CERS6: variants seen among roughly 807,000 people sequenced by gnomAD.
CERS6 encodes LAG1 homolog, ceramide synthase 6.
A neutral mutation model predicts 56.8 loss-of-function variants in CERS6; 26 were observed. That is an observed-to-expected ratio of 0.46 (90% confidence interval 0.34 to 0.63). The LOEUF (loss-of-function observed/expected upper bound fraction) is 0.63. Among genes scored for constraint, CERS6 ranks in the 30% least tolerant of loss-of-function variants. The pLI is 0.01. For missense variants in CERS6, 415 were observed against 467.5 expected (o/e 0.89, Z 1.04); for synonymous variants, 164 against 173.3 (o/e 0.95, Z 0.42).
chr2:168,561,150 A>C (rs1381926002), intron 2 of CERS6, 42 bp from the exon 3 acceptor site: 2 of 1,608,864 alleles, frequency 1.2e-6, no homozygotes, highest in East Asian at 2.2e-5. Context: ...AGTGAAAATG[A>C]AAATGGATTG....
intron 6 of CERS6, among the ~76,000 whole-genome samples, chr2:168,705,571 G>T (rs956884420): frequency 1.3e-5 from 2 of 152,110 alleles, no homozygotes; most frequent in Non-Finnish European, 2.9e-5. Flanking sequence ...AACCCCTCCT[G>T]ACAATTTACA....
At chr2:168,749,415 G>A (rs548234516) in intron 8 of CERS6, among the ~76,000 whole-genome samples, 1 of 152,298 alleles carries the variant, frequency 6.6e-6, no homozygotes, top group East Asian at 1.9e-4. Flanking sequence ...CAACAGGTAT[G>A]CCCTCCTTTT....
At chr2:168,559,778 G>A (rs1695755395) in intron 2 of CERS6, among the ~76,000 whole-genome samples, 1 of 53,296 alleles carries the variant, frequency 1.9e-5, no homozygotes, top group South Asian at 8.0e-4. Flanking sequence ...CTTGAAGTTT[G>A]GTCATTGTGC....
chr2:168,645,114 AAAATATATATAT>A (rs1685150309), intron 4 of CERS6, among the ~76,000 whole-genome samples: 1 of 34,354 alleles, frequency 2.9e-5, no homozygotes, highest in Non-Finnish European at 5.6e-5. Context: ...AAAAAAAAAA[AAAATATATATAT>A]ATATATATAT....
At chr2:168,522,110 G>T (rs757734432) in intron 1 of CERS6, among the ~76,000 whole-genome samples, 1 of 152,074 alleles carries the variant, frequency 6.6e-6, no homozygotes, top group Non-Finnish European at 1.5e-5. Flanking sequence ...TTGATTCCTG[G>T]AAAATTTTAC....
At chr2:168,562,549 G>T (rs928475412) in intron 3 of CERS6, among the ~76,000 whole-genome samples, 1 of 152,182 alleles carries the variant, frequency 6.6e-6, no homozygotes, top group Non-Finnish European at 1.5e-5. Flanking sequence ...TTCAAGGGAA[G>T]GTACTATGAC....
In CERS6 at chr2:168,472,684, TA is replaced by T. The variant is rs573752253; in HGVS notation, c.170+16067del. The stretch of plus-strand genomic sequence containing the variant: ...TTTCTTTTCCACCTTATTTGATTAA[TA>T]TACTGTTTTATAAGGATAGGCGCTA... On this transcript the variant is annotated intron_variant, in intron 1 of 9. Coordinates refer to ENST00000305747, the MANE Select transcript of CERS6 (RefSeq NM_203463.3). 2.0e-5 allele frequency among the ~76,000 whole-genome samples: 3 copies of T among 152,218 alleles called. No homozygotes were observed. The South Asian group carries it at 6.2e-4, about 32-fold the overall frequency.
chr2:168,689,863 T>C (rs1304952410), intron 4 of CERS6, among the ~76,000 whole-genome samples: 1 of 152,058 alleles, frequency 6.6e-6, no homozygotes, highest in Non-Finnish European at 1.5e-5. Context: ...TACCTTGAGA[T>C]TGGGTTTAGT....
chr2:168,685,458 A>G lies in CERS6; in HGVS notation c.466-5576A>G, dbSNP rs903075163. Among the ~76,000 whole-genome samples the G allele has an allele frequency of 2.0e-5, 3 of 152,140 alleles. No individual in the cohort carries two copies. The South Asian group carries it at 6.2e-4, about 32-fold the overall frequency. Reference sequence around the variant, plus strand: ...CTCTGGTCCTTGCTTCAAAATCGCTATCTCTTTAGGCTTTCACTAACATGA... The same window carrying G: ...CTCTGGTCCTTGCTTCAAAATCGCTGTCTCTTTAGGCTTTCACTAACATGA... On this transcript the variant is annotated intron_variant, in intron 4 of 9. Transcript: ENST00000305747.
At chr2:168,564,911 T>C (rs1347572958) in intron 3 of CERS6, among the ~76,000 whole-genome samples, 1 of 152,248 alleles carries the variant, frequency 6.6e-6, no homozygotes, top group Non-Finnish European at 1.5e-5. Context: ...TCTTGTTCTT[T>C]CATTTCTCAA....
chr2:168,553,087 T>C (rs1382807886), intron 2 of CERS6, among the ~76,000 whole-genome samples: 3 of 151,010 alleles, frequency 2.0e-5, no homozygotes, highest in African/African-American at 7.3e-5. Context: ...AAGTACCAAA[T>C]CCATCACAGA....
intron 6 of CERS6, among the ~76,000 whole-genome samples, chr2:168,704,329 G>A (rs1574175441): frequency 1.3e-5 from 2 of 151,922 alleles, no homozygotes; most frequent in Admixed American, 1.3e-4. Flanking sequence ...ACATAAATTC[G>A]GGTCCTCAGG....
intron 1 of CERS6, among the ~76,000 whole-genome samples, chr2:168,480,999 G>T (rs934382399): frequency 1.3e-4 from 20 of 152,302 alleles, no homozygotes; most frequent in African/African-American, 4.8e-4. Context: ...CTGGTGCTAT[G>T]TAGAGAAAGC....
At chr2:168,649,481 T>A (rs1442257998) in intron 4 of CERS6, among the ~76,000 whole-genome samples, 3 of 152,212 alleles carry the variant, frequency 2.0e-5, no homozygotes, top group Non-Finnish European at 4.4e-5. Flanking sequence ...GAATGATTTT[T>A]AAAATATTTT....
At chr2:168,513,472 T>G (rs1475539943) in intron 1 of CERS6, among the ~76,000 whole-genome samples, 3 of 152,210 alleles carry the variant, frequency 2.0e-5, no homozygotes, top group Non-Finnish European at 4.4e-5. Flanking sequence ...TTGAGCAGTT[T>G]TGAAGAGTTC....
chr2:168,512,364 T>TA (rs935374032), intron 1 of CERS6, among the ~76,000 whole-genome samples: 1 of 151,832 alleles, frequency 6.6e-6, no homozygotes. Flanking sequence ...TTACCACAAT[T>TA]AAAAAAAAGA....
chr2:168,481,853 TAGTACC>T, intron 1 of CERS6, among the ~76,000 whole-genome samples: 1 of 152,342 alleles, frequency 6.6e-6, no homozygotes, highest in Admixed American at 6.5e-5. Context: ...GAATTTGAAA[TAGTACC>T]AGCATGAATA....
At chr2:168,563,517 G>T (rs1341914291) in intron 3 of CERS6, among the ~76,000 whole-genome samples, 2 of 152,208 alleles carry the variant, frequency 1.3e-5, no homozygotes, top group Admixed American at 1.3e-4. Flanking sequence ...CAGATATGGG[G>T]CCAGGTGCAG....
At chr2:168,483,134 G>A (rs957953609) in intron 1 of CERS6, among the ~76,000 whole-genome samples, 2 of 152,208 alleles carry the variant, frequency 1.3e-5, no homozygotes, top group Non-Finnish European at 2.9e-5. Flanking sequence ...CTGTGCTACT[G>A]CCACTCACTA....
Sources: gnomAD v4.1 joint callset for allele counts (sites outside exome capture counted in the v4.1 genomes callset) on GRCh38, gnomAD v4.1.1 for gene constraint, MANE v1.5 for transcripts, NCBI Gene and HGNC (gene_info 2026-07-23, HGNC 2026-07-21) for gene names.